The following GALNT18 variants were observed in gnomAD, a reference collection of about 807,000 sequenced individuals.
GALNT18 encodes the protein GalNAc-transferase 18.
In GALNT18, 44 loss-of-function variants were observed where a neutral mutation model predicts 69.5. That is an observed-to-expected ratio of 0.63 (90% confidence interval 0.50 to 0.81). GALNT18 has a LOEUF of 0.81. Ranked by LOEUF, GALNT18 falls within the 40% of genes least tolerant of loss-of-function variation. The pLI is 0.00. For missense variants in GALNT18, 715 were observed against 810.0 expected (o/e 0.88, Z 1.42); for synonymous variants, 364 against 318.2 (o/e 1.14, Z -1.53).
At chr11:11,406,226 C>A (rs549449644) in intron 3 of GALNT18, among the ~76,000 whole-genome samples, 2 of 152,164 alleles carry the variant, frequency 1.3e-5, no homozygotes, top group Non-Finnish European at 1.5e-5. Flanking sequence ...AGCATATAGC[C>A]TGGGTTAGTG....
In GALNT18 at chr11:11,387,340, AC is replaced by A. The variant is rs1435595108; in HGVS notation, c.596-8077del. ...CACGGCTTTTTGTCCCATTGTGGCC[AC>A]ACCCCTCCTTCCTGGCTCAATGCTG... On this transcript the variant is annotated intron_variant, in intron 3 of 10. Coordinates refer to ENST00000227756, the MANE Select transcript of GALNT18 (RefSeq NM_198516.3). This position sits in a 1 kb window ranked among gnomAD's most constrained non-coding sequence, Gnocchi z 4.6. Among the ~76,000 whole-genome samples the A allele has an allele frequency of 1.8e-4, 28 of 152,034 alleles. 1 individual carries two copies. The highest frequency in any genetic ancestry group is 5.9e-5 in the Non-Finnish European group (4 of 68,004).
At position 11,582,088 on chromosome 11, in the gene GALNT18, G is replaced by C. The variant is rs971737554; in HGVS notation, c.235+39271C>G. ...AAAACCAAGCAGAGGCAGTGGGAAA[G>C]AGTAGAATGGGCTGCTAGGGAAAGC... On this transcript the variant is annotated intron_variant, in intron 1 of 10. Coordinates refer to ENST00000227756, the MANE Select transcript of GALNT18 (RefSeq NM_198516.3). The surrounding 1 kb of genome is among the most constrained non-coding windows in gnomAD (Gnocchi z 5.0). Among the ~76,000 whole-genome samples, 1 of 152,108 alleles carries C rather than the reference G, an allele frequency of 6.6e-6. No homozygotes were observed. The highest frequency in any genetic ancestry group is 6.5e-5 in the Admixed American group (1 of 15,270).
chr11:11,594,882 A>AT (rs1565032797), intron 1 of GALNT18, among the ~76,000 whole-genome samples: 83 of 141,654 alleles, frequency 5.9e-4, no homozygotes, highest in African/African-American at 1.8e-3. Flanking sequence ...TATATATATA[A>AT]AAAATCTACA....
chr11:11,478,123 A>C (rs1856442171), intron 1 of GALNT18, among the ~76,000 whole-genome samples: 1 of 152,212 alleles, frequency 6.6e-6, no homozygotes, highest in Non-Finnish European at 1.5e-5. Flanking sequence ...AGATTCTAAG[A>C]ACATACAAAG....
chr11:11,465,422 T>C lies in GALNT18; in HGVS notation c.236-16486A>G, dbSNP rs146910944. On this transcript the variant is annotated intron_variant, in intron 1 of 10. Coordinates refer to ENST00000227756, the MANE Select transcript of GALNT18 (RefSeq NM_198516.3). The surrounding 1 kb of genome is among the most constrained non-coding windows in gnomAD (Gnocchi z 5.7). The stretch of plus-strand genomic sequence containing the variant: ...CACCAAGGATTACTCAAAGCTTGAG[T>C]GCTGCTCCTCCAGGCTGCACGGACG... 5.5e-3 allele frequency among the ~76,000 whole-genome samples: 835 copies of C among 152,188 alleles called. 8 individuals carry two copies. Among genetic ancestry groups the C allele is most frequent in the African/African-American group, 0.019 (797 of 41,522 alleles).
chr11:11,537,696 G>T (rs1026763706), intron 1 of GALNT18, among the ~76,000 whole-genome samples: 5 of 152,130 alleles, frequency 3.3e-5, no homozygotes, highest in African/African-American at 1.2e-4. Flanking sequence ...ACCATCTCAG[G>T]ATTTTATTAA....
intron 1 of GALNT18, among the ~76,000 whole-genome samples, chr11:11,599,640 T>G (rs1036451317): frequency 1.3e-5 from 2 of 151,914 alleles, no homozygotes; most frequent in Non-Finnish European, 2.9e-5. Flanking sequence ...GAAATTTTAC[T>G]TTTTGTTTTC....
intron 3 of GALNT18, among the ~76,000 whole-genome samples, chr11:11,403,093 T>C (rs1854504506): frequency 6.6e-6 from 1 of 152,206 alleles, no homozygotes; most frequent in Admixed American, 6.5e-5. Context: ...ATCAGGGGTC[T>C]GTACAGCAGA....
At chr11:11,535,432 A>C (rs1281033937) in intron 1 of GALNT18, among the ~76,000 whole-genome samples, 1 of 152,256 alleles carries the variant, frequency 6.6e-6, no homozygotes, top group Non-Finnish European at 1.5e-5. Context: ...TTTGAAGCAC[A>C]TAGCAAAGTA....
At chr11:11,279,520 C>CA (rs1379140122) in intron 10 of GALNT18, among the ~76,000 whole-genome samples, 1 of 152,156 alleles carries the variant, frequency 6.6e-6, no homozygotes, top group Non-Finnish European at 1.5e-5. Context: ...AAACGTCCAT[C>CA]AATAGTACAG....
rs149505959 is a variant in GALNT18, at chr11:11,300,620, T to G, written c.1513-7427A>C. ...ACACATAATGGGGTGATTGCAAACT[T>G]TTACGATTGGACGGTTGGCAAAGGT... On this transcript the variant is annotated intron_variant, in intron 9 of 10. Transcript: ENST00000227756. Among the ~76,000 whole-genome samples, 592 of 152,112 alleles carry G rather than the reference T, an allele frequency of 3.9e-3. 4 individuals carry two copies. Among genetic ancestry groups the G allele is most frequent in the African/African-American group, 0.014 (562 of 41,482 alleles).
At position 11,540,499 on chromosome 11, in the gene GALNT18, A is replaced by T. The variant is rs1269059507; in HGVS notation, c.235+80860T>A. Among the ~76,000 whole-genome samples, 1 of 152,134 alleles carries T rather than the reference A, an allele frequency of 6.6e-6. No individual in the cohort carries two copies. The highest frequency in any genetic ancestry group is 6.5e-5 in the Admixed American group (1 of 15,280). ...GTTCCTCATTTCATGACCAAGTTTC[A>T]TTAGAAACTTTGGAATCACGGCAAT... On this transcript the variant is annotated intron_variant, in intron 1 of 10. Coordinates refer to ENST00000227756, the MANE Select transcript of GALNT18 (RefSeq NM_198516.3). This position sits in a 1 kb window ranked among gnomAD's most constrained non-coding sequence, Gnocchi z 4.6.
intron 1 of GALNT18, among the ~76,000 whole-genome samples, chr11:11,597,360 G>C (rs138820218): frequency 6.6e-5 from 10 of 152,260 alleles, no homozygotes; most frequent in African/African-American, 2.4e-4. Context: ...ATGAAGAACT[G>C]GTATTGATTA....
intron 2 of GALNT18, among the ~76,000 whole-genome samples, chr11:11,446,825 G>A (rs976796514): frequency 6.6e-6 from 1 of 152,182 alleles, no homozygotes; most frequent in Non-Finnish European, 1.5e-5. Flanking sequence ...GTCTCACAGA[G>A]TAAATGCTGC....
intron 3 of GALNT18, among the ~76,000 whole-genome samples, chr11:11,385,504 C>T (rs182498248): frequency 1.3e-5 from 2 of 152,168 alleles, no homozygotes; most frequent in East Asian, 3.9e-4. Context: ...ACCATGTTAG[C>T]CAGGATGGTC....
chr11:11,368,467 T>C (rs1850822281), intron 6 of GALNT18, among the ~76,000 whole-genome samples: 1 of 152,220 alleles, frequency 6.6e-6, no homozygotes, highest in Non-Finnish European at 1.5e-5. Flanking sequence ...ATCATCTCCA[T>C]TTGGAATTAT....
In GALNT18 at chr11:11,341,101, A is replaced by G; in HGVS notation, c.1093-97T>C. ...ACTTGACATGAGCAGGAAGAAAGTCAGCCCCTTCACCTTGACTCCCCAGAT... is the reference window on the plus strand; with the variant it reads ...ACTTGACATGAGCAGGAAGAAAGTCGGCCCCTTCACCTTGACTCCCCAGAT... On this transcript the variant is annotated intron_variant, in intron 6 of 10. Coordinates refer to ENST00000227756, the MANE Select transcript of GALNT18 (RefSeq NM_198516.3). This position sits in a 1 kb window ranked among gnomAD's most constrained non-coding sequence, Gnocchi z 6.3. 2.5e-6 allele frequency: 3 copies of G among 1,201,082 alleles called. No homozygotes were observed. Among genetic ancestry groups the G allele is most frequent in the South Asian group, 1.5e-5 (1 of 66,430 alleles). 74.4% of individuals were successfully genotyped at this position (1,201,082 alleles called of 1,614,324 possible). A position where few individuals can be genotyped will look rare whatever the true frequency, so the allele number is the denominator to read the frequency against.
intron 6 of GALNT18, among the ~76,000 whole-genome samples, chr11:11,369,573 G>A (rs1428408326): frequency 6.6e-6 from 1 of 152,176 alleles, no homozygotes; most frequent in Non-Finnish European, 1.5e-5. Flanking sequence ...ACATTCACAA[G>A]AGGTTAGGAC....
At chr11:11,333,354 T>A (rs1192585961) in intron 7 of GALNT18, among the ~76,000 whole-genome samples, 1 of 152,134 alleles carries the variant, frequency 6.6e-6, no homozygotes, top group African/African-American at 2.4e-5. Context: ...ATATATATAT[T>A]TATTTACTTC....
Sources: allele counts gnomAD v4.1 joint callset (sites outside exome capture counted in the v4.1 genomes callset), GRCh38; gene constraint gnomAD v4.1.1; non-coding constraint Gnocchi (gnomAD v3.1); transcripts MANE v1.5; gene names NCBI Gene and HGNC (gene_info 2026-07-23, HGNC 2026-07-21).